PITPNA: variants seen among roughly 807,000 people sequenced by gnomAD.
The protein encoded by PITPNA is phosphatidylinositol transfer protein alpha.
Under a neutral mutation model 50.3 loss-of-function variants are expected in PITPNA, and 13 were observed. That is an observed-to-expected ratio of 0.26 (90% CI 0.17 to 0.41). The LOEUF is 0.41. Ranked by LOEUF, PITPNA falls within the 10% of genes least tolerant of loss-of-function variation. The pLI is 1.00. For missense variants in PITPNA, 207 were observed against 333.4 expected (o/e 0.62, Z 2.95); for synonymous variants, 120 against 119.6 (o/e 1.00, Z -0.02).
At chr17:1,548,148 A>G in intron 4 of PITPNA, 148 bp downstream of exon 4, 1 of 473,070 alleles carries the variant, frequency 2.1e-6, no homozygotes, top group South Asian at 4.6e-5. Flanking sequence ...CTGTCCACCA[A>G]GCTGTGCTGG....
intron 10 of PITPNA, among the ~76,000 whole-genome samples, chr17:1,533,330 C>A (rs963283816): frequency 1.3e-5 from 2 of 152,188 alleles, no homozygotes; most frequent in Non-Finnish European, 2.9e-5. Flanking sequence ...ACCTGCAAGA[C>A]GGTGTGACCC....
intron 10 of PITPNA, 55 bp downstream of exon 10, chr17:1,534,044 T>G: frequency 6.3e-7 from 1 of 1,599,976 alleles, no homozygotes; most frequent in Non-Finnish European, 8.5e-7. Context: ...AGCAAAACAG[T>G]CTCCTTAATC....
intron 3 of PITPNA, among the ~76,000 whole-genome samples, chr17:1,551,076 C>A (rs911955922): frequency 2.0e-5 from 3 of 150,868 alleles, no homozygotes. Flanking sequence ...GCGGAGTCAG[C>A]GGGACCTGAT....
chr17:1,534,729 A>C (rs995546169), intron 9 of PITPNA, among the ~76,000 whole-genome samples: 8 of 152,236 alleles, frequency 5.3e-5, no homozygotes, highest in Admixed American at 5.2e-4. Flanking sequence ...AGCTGCAAGA[A>C]AAGAAAGACT....
rs1294647097 is a variant in PITPNA at position 1,518,278 on chromosome 17, C to A, written c.*2283G>T. 2 of 152,564 alleles carry A rather than the reference C, an allele frequency of 1.3e-5. No individual in the cohort carries two copies. The highest frequency in any genetic ancestry group is 2.9e-5 in the Non-Finnish European group (2 of 68,066). 9.5% of individuals were successfully genotyped at this position (152,564 alleles called of 1,614,324 possible). Reference sequence around the variant, plus strand: ...CAGCACCCCTCCTACAGAGGCACTGCTGCTTCTGTTGGGGCTGTGACCCTG... The same window carrying A: ...CAGCACCCCTCCTACAGAGGCACTGATGCTTCTGTTGGGGCTGTGACCCTG... On this transcript the variant is annotated 3_prime_UTR_variant, in exon 12 of 12. Transcript: ENST00000313486.
intron 7 of PITPNA, among the ~76,000 whole-genome samples, chr17:1,538,144 C>T (rs1236369406): frequency 6.6e-6 from 1 of 152,158 alleles, no homozygotes; most frequent in Non-Finnish European, 1.5e-5. Context: ...AGAGGTATCA[C>T]ACCCCTGGGA....
chr17:1,523,987 T>C (rs1025955544), intron 10 of PITPNA, among the ~76,000 whole-genome samples: 1 of 151,222 alleles, frequency 6.6e-6, no homozygotes, highest in Non-Finnish European at 1.5e-5. Flanking sequence ...CATCACTAAT[T>C]GTATGACCTT....
chr17:1,528,101 G>C (rs910956051), intron 10 of PITPNA, among the ~76,000 whole-genome samples: 1 of 152,200 alleles, frequency 6.6e-6, no homozygotes, highest in Non-Finnish European at 1.5e-5. Context: ...TGAGGTGGGT[G>C]GATCAGTTGA....
chr17:1,548,315 A>G lies in PITPNA; in HGVS notation c.270T>C (p.Ala90=). 1.9e-6 allele frequency: 3 copies of G among 1,608,308 alleles called. No homozygotes were observed. Among genetic ancestry groups the G allele is most frequent in the Non-Finnish European group, 2.5e-6 (3 of 1,177,512 alleles). Residue 90 remains alanine (A), a synonymous_variant, in exon 4 of 12, where the codon GCT becomes GCC. Transcript: ENST00000313486. The stretch of plus-strand genomic sequence containing the variant: ...ACTCACCGGTTCTGCAGTAGGGGTA[A>G]GCATTCCAGGCTTTCTCGTGTATAT... The part of the protein sequence containing the change: ...ALNIHEKAWN[A]YPYCRTVITN...
At chr17:1,523,166 G>GAT (rs1409703432) in intron 10 of PITPNA, among the ~76,000 whole-genome samples, 1 of 151,514 alleles carries the variant, frequency 6.6e-6, no homozygotes, top group East Asian at 1.9e-4. Flanking sequence ...CATCACTGGG[G>GAT]ATACTGTAGA....
chr17:1,560,009 C>T (rs2075759824), intron 1 of PITPNA, among the ~76,000 whole-genome samples: 1 of 152,198 alleles, frequency 6.6e-6, no homozygotes, highest in Admixed American at 6.5e-5. Flanking sequence ...CTTTTATCTT[C>T]AAGAACAGCA....
At chr17:1,535,057 C>T (rs747276576) in intron 9 of PITPNA, 125 bp downstream of exon 9, 1 of 649,416 alleles carries the variant, frequency 1.5e-6, no homozygotes, top group Non-Finnish European at 2.8e-6. Context: ...CCACCCCCCA[C>T]CGCACACACA....
intron 2 of PITPNA, among the ~76,000 whole-genome samples, chr17:1,557,464 C>T (rs570559444): frequency 6.6e-6 from 1 of 152,262 alleles, no homozygotes; most frequent in East Asian, 1.9e-4. Context: ...TACTGGCTGA[C>T]GAACCTCACC....
chr17:1,531,617 C>T (rs545422178), intron 10 of PITPNA, among the ~76,000 whole-genome samples: 315 of 151,590 alleles, frequency 2.1e-3, no homozygotes, highest in Non-Finnish European at 3.3e-3. Context: ...TGCCACTGCA[C>T]GACGCCAAGC....
intron 10 of PITPNA, among the ~76,000 whole-genome samples, chr17:1,527,246 T>A (rs902335441): frequency 7.2e-6 from 1 of 139,606 alleles, no homozygotes; most frequent in African/African-American, 3.4e-5. Flanking sequence ...TCAATCCTGG[T>A]TGGTTGGTTT....
chr17:1,556,725 A>G (rs183916075), intron 2 of PITPNA, among the ~76,000 whole-genome samples: 263 of 152,278 alleles, frequency 1.7e-3, no homozygotes, highest in African/African-American at 6.0e-3. Context: ...CACCTCCCCA[A>G]GAGCTGAGTT....
At chr17:1,543,952 G>C (rs1234122172) in intron 4 of PITPNA, among the ~76,000 whole-genome samples, 1 of 152,200 alleles carries the variant, frequency 6.6e-6, no homozygotes, top group Non-Finnish European at 1.5e-5. Flanking sequence ...ATAGTATCTC[G>C]TCAGCAGAAA....
At chr17:1,550,847 C>T (rs1221749640) in intron 3 of PITPNA, among the ~76,000 whole-genome samples, 1 of 152,260 alleles carries the variant, frequency 6.6e-6, no homozygotes, top group Non-Finnish European at 1.5e-5. Flanking sequence ...ACCATCCAGA[C>T]TGAACACTTG....
chr17:1,562,331 C>CGCCCCGGCCGCCCCTCCGT lies in PITPNA; in HGVS notation c.20+191_20+209dup, dbSNP rs1300709993. 2.7e-5 allele frequency among the ~76,000 whole-genome samples: 4 copies of CGCCCCGGCCGCCCCTCCGT among 150,118 alleles called. No individual in the cohort carries two copies. The East Asian group carries it at 7.9e-4, about 30-fold the overall frequency. On this transcript the variant is annotated intron_variant, in intron 1 of 11. Transcript: ENST00000313486. This position sits in a 1 kb window ranked among gnomAD's most constrained non-coding sequence, Gnocchi z 6.4. ...CCTCCACGCCCCGGCCGCCCCTCCA[C>CGCCCCGGCCGCCCCTCCGT]GCCCCGGCCGCCCCTCCGTGCCCCG...
Sources: allele counts gnomAD v4.1 joint callset (sites outside exome capture counted in the v4.1 genomes callset), GRCh38; gene constraint gnomAD v4.1.1; non-coding constraint Gnocchi (gnomAD v3.1); transcripts MANE v1.5; gene names NCBI Gene and HGNC (gene_info 2026-07-23, HGNC 2026-07-21).